Variants in CPA6 observed in about 807,000 individuals in gnomAD.
CPA6 encodes the protein carboxypeptidase A6.
CPA6 carries 58 observed loss-of-function variants against 63.3 expected under a neutral mutation model. The observed-to-expected ratio is 0.92, with a 90% CI of 0.74 to 1.14. The LOEUF (loss-of-function observed/expected upper bound fraction) is 1.14. Among genes scored for constraint, CPA6 ranks in the 50% most tolerant of loss-of-function variants. The pLI, the probability that CPA6 is intolerant of heterozygous loss-of-function variation, is 0.00. For synonymous variants in CPA6, 185 were observed against 179.0 expected (o/e 1.03, Z -0.27); for missense variants, 565 against 526.6 (o/e 1.07, Z -0.71).
At chr8:67,506,638 A>G in intron 6 of CPA6, 149 bp downstream of exon 6, 3 of 609,392 alleles carry the variant, frequency 4.9e-6, no homozygotes, top group Non-Finnish European at 9.1e-6. Flanking sequence ...AGAGAACTTC[A>G]TAAACATGAA....
chr8:67,516,647 A>C (rs1012884501), intron 3 of CPA6, among the ~76,000 whole-genome samples: 2 of 152,190 alleles, frequency 1.3e-5, no homozygotes, highest in Non-Finnish European at 2.9e-5. Flanking sequence ...TAGAGTCACC[A>C]ATGTTCTTTC....
intron 8 of CPA6, among the ~76,000 whole-genome samples, chr8:67,459,615 A>G (rs6472306): frequency 0.1 from 15,423 of 152,178 alleles, 2,007 homozygotes; most frequent in African/African-American, 0.3. Context: ...TTGGGTGGAG[A>G]GAGGGATGAG....
chr8:67,594,022 T>C (rs1814216316), intron 2 of CPA6, among the ~76,000 whole-genome samples: 1 of 151,396 alleles, frequency 6.6e-6, no homozygotes, highest in Non-Finnish European at 1.5e-5. Flanking sequence ...CGGCTGGTAC[T>C]GGTTGTGCCT....
chr8:67,678,227 T>TCA (rs1229557199), intron 1 of CPA6, among the ~76,000 whole-genome samples: 6,257 of 127,626 alleles, frequency 0.049, 161 homozygotes, highest in East Asian at 0.07. Flanking sequence ...AAACTCTGTC[T>TCA]CACACACACA....
At chr8:67,674,160 C>T (rs571316314) in intron 1 of CPA6, among the ~76,000 whole-genome samples, 18 of 152,292 alleles carry the variant, frequency 1.2e-4, no homozygotes, top group African/African-American at 2.6e-4. Context: ...GTAAGCCTAA[C>T]GTCATATAGC....
chr8:67,715,981 C>T (rs762968726), intron 1 of CPA6, among the ~76,000 whole-genome samples: 16 of 151,744 alleles, frequency 1.1e-4, no homozygotes, highest in African/African-American at 3.9e-4. Flanking sequence ...TGGTGAAACC[C>T]CATCTCTACT....
chr8:67,732,635 T>G (rs1376200198), intron 1 of CPA6: 2 of 152,378 alleles, frequency 1.3e-5, no homozygotes, highest in Admixed American at 6.5e-5. Context: ...CACGGCTGAT[T>G]GGTGGGACCT....
chr8:67,735,827 T>G (rs150699788), intron 1 of CPA6, among the ~76,000 whole-genome samples: 95 of 152,320 alleles, frequency 6.2e-4, no homozygotes, highest in African/African-American at 2.1e-3. Context: ...AAGTTGTTCA[T>G]GAGCATGCTG....
chr8:67,680,115 G>T (rs1049960747), intron 1 of CPA6, among the ~76,000 whole-genome samples: 1 of 152,160 alleles, frequency 6.6e-6, no homozygotes, highest in African/African-American at 2.4e-5. Flanking sequence ...TAGATTAGAG[G>T]TGAGAACGCC....
rs571138032 is a variant in CPA6 at position 67,743,831 on chromosome 8, A to T, written c.116+2183T>A. Among the ~76,000 whole-genome samples the T allele has an allele frequency of 1.6e-4, 25 of 152,336 alleles. No homozygotes were observed. The South Asian group carries it at 5.2e-3, about 32-fold the overall frequency. On this transcript the variant is annotated intron_variant, in intron 1 of 10. Coordinates refer to ENST00000297770, the MANE Select transcript of CPA6 (RefSeq NM_020361.5). ...CTGTAAATGATAATCACATATTATTAGATTCTACAAAGACCTACAAAAATA... is the reference window on the plus strand; with the variant it reads ...CTGTAAATGATAATCACATATTATTTGATTCTACAAAGACCTACAAAAATA...
At chr8:67,610,737 T>C (rs1171329273) in intron 2 of CPA6, among the ~76,000 whole-genome samples, 3 of 152,178 alleles carry the variant, frequency 2.0e-5, no homozygotes, top group Non-Finnish European at 4.4e-5. Flanking sequence ...TTTCTCACTA[T>C]CAGCTGGCCA....
In CPA6 at chr8:67,677,100, G is replaced by A. The variant is rs74635066; in HGVS notation, c.117-52849C>T. On this transcript the variant is annotated intron_variant, in intron 1 of 10. Coordinates refer to ENST00000297770, the MANE Select transcript of CPA6 (RefSeq NM_020361.5). ...GTCATCTGTTAGTGCTGACTCCTCC[G>A]TCAGGAGTTGCACAGGGTACAACCT... 1.8e-3 allele frequency among the ~76,000 whole-genome samples: 272 copies of A among 152,282 alleles called. 1 individual carries two copies. Among genetic ancestry groups the A allele is most frequent in the African/African-American group, 6.2e-3 (259 of 41,554 alleles).
intron 10 of CPA6, 84 bp from the exon 11 acceptor site, chr8:67,422,775 G>A (rs766211991): frequency 7.1e-5 from 68 of 962,910 alleles, no homozygotes; most frequent in Non-Finnish European, 8.9e-5. Flanking sequence ...TAAAGTATCC[G>A]CTTATTAAGC....
chr8:67,469,478 T>C (rs1811007563), intron 8 of CPA6, among the ~76,000 whole-genome samples: 1 of 152,122 alleles, frequency 6.6e-6, no homozygotes, highest in South Asian at 2.1e-4. Context: ...TGGTGGTGCA[T>C]GCCTGTAATT....
chr8:67,683,570 A>G (rs1023320479), intron 1 of CPA6, among the ~76,000 whole-genome samples: 1 of 152,048 alleles, frequency 6.6e-6, no homozygotes, highest in African/African-American at 2.4e-5. Flanking sequence ...ATACAAACTT[A>G]CTTTATTAGT....
At chr8:67,429,160 G>A (rs78179445) in intron 9 of CPA6, among the ~76,000 whole-genome samples, 5 of 152,114 alleles carry the variant, frequency 3.3e-5, no homozygotes, top group Non-Finnish European at 7.3e-5. Flanking sequence ...CAGGTACTGC[G>A]AAGAGGTAGA....
At chr8:67,551,613 G>A (rs1369930577) in intron 2 of CPA6, among the ~76,000 whole-genome samples, 1 of 152,188 alleles carries the variant, frequency 6.6e-6, no homozygotes, top group Non-Finnish European at 1.5e-5. Flanking sequence ...GCTTTTGGCA[G>A]TGTGGCTGTT....
In CPA6 at chr8:67,422,578, T is replaced by A. The variant is rs781322414; in HGVS notation, c.1240A>T (p.Ile414Phe). ...ATAGTTTCTGTACAGGTGGGTTTGA[T>A]GAGCATCTCTGGGAGTAAAAATCCA... ...YFGFLLPEML[I>F]KPTCTETMLA... Residue 414 changes from isoleucine (I) to phenylalanine (F), a missense_variant, in exon 11 of 11, where the codon ATC becomes TTC. Transcript: ENST00000297770. The A allele has an allele frequency of 6.2e-6, 10 of 1,614,046 alleles. No homozygotes were observed. Among genetic ancestry groups the A allele is most frequent in the Non-Finnish European group, 8.5e-6 (10 of 1,180,016 alleles).
intron 8 of CPA6, among the ~76,000 whole-genome samples, chr8:67,448,564 C>T (rs985139962): frequency 1.2e-4 from 16 of 137,178 alleles, no homozygotes; most frequent in Admixed American, 7.7e-4. Context: ...CCCAGAAAGT[C>T]GAGGTTGCTG....
Sources: gnomAD v4.1 joint callset for allele counts (sites outside exome capture counted in the v4.1 genomes callset) on GRCh38, gnomAD v4.1.1 for gene constraint, MANE v1.5 for transcripts, NCBI Gene and HGNC (gene_info 2026-07-23, HGNC 2026-07-21) for gene names.